QTMAN: variants seen among roughly 807,000 people sequenced by gnomAD.
QTMAN encodes tRNA-queuosine alpha-mannosyltransferase.
chr2:144,321,593 A>C, the QTMAN span, among the ~76,000 whole-genome samples: 1 of 152,060 alleles, frequency 6.6e-6, no homozygotes, highest in Non-Finnish European at 1.5e-5. Context: ...TTCAAAGAAA[A>C]TTGGTTTATT....
chr2:144,262,777 G>T, the QTMAN span, among the ~76,000 whole-genome samples: 4 of 65,088 alleles, frequency 6.1e-5, no homozygotes, highest in African/African-American at 2.6e-4. Context: ...GAGATGGAAT[G>T]GGAGGGGAGA....
the QTMAN span, among the ~76,000 whole-genome samples, chr2:144,131,686 T>C: frequency 6.6e-6 from 1 of 151,930 alleles, no homozygotes; most frequent in Non-Finnish European, 1.5e-5. Flanking sequence ...CTATATTCTG[T>C]CTTCATAATG....
the QTMAN span, among the ~76,000 whole-genome samples, chr2:144,082,610 A>G: frequency 1.3e-5 from 2 of 149,620 alleles, no homozygotes; most frequent in Admixed American, 1.3e-4. Flanking sequence ...AAAAAAAATG[A>G]TGATTATAGG....
At chr2:144,088,302 T>G in the QTMAN span, among the ~76,000 whole-genome samples, 1 of 151,840 alleles carries the variant, frequency 6.6e-6, no homozygotes, top group Admixed American at 6.6e-5. Context: ...TACAAAACAC[T>G]GATAAAAGAG....
At chr2:144,046,011 A>T in the QTMAN span, among the ~76,000 whole-genome samples, 23 of 152,218 alleles carry the variant, frequency 1.5e-4, no homozygotes, top group African/African-American at 5.3e-4. Context: ...AGATTTAACA[A>T]CTTCATACAA....
chr2:144,040,853 G>A, the QTMAN span, among the ~76,000 whole-genome samples: 2 of 152,146 alleles, frequency 1.3e-5, no homozygotes, highest in East Asian at 1.9e-4. Context: ...TGCAGGGCAT[G>A]TCTATTAGAC....
the QTMAN span, among the ~76,000 whole-genome samples, chr2:144,136,460 G>A: frequency 3.0e-5 from 4 of 134,074 alleles, no homozygotes; most frequent in East Asian, 2.1e-4. Context: ...GAGAAAGGAG[G>A]AAGGAGAAAG....
chr2:144,062,272 G>A, the QTMAN span, among the ~76,000 whole-genome samples: 1 of 152,172 alleles, frequency 6.6e-6, no homozygotes, highest in Non-Finnish European at 1.5e-5. Context: ...CCCGTAAGGC[G>A]TTTGAGCACA....
chr2:144,278,784 C>G, the QTMAN span, among the ~76,000 whole-genome samples: 1 of 152,034 alleles, frequency 6.6e-6, no homozygotes, highest in Non-Finnish European at 1.5e-5. Flanking sequence ...AAAGTGTCAC[C>G]TAGACCGTTA....
chr2:143,970,587 T>G, the QTMAN span: 6 of 852,180 alleles, frequency 7.0e-6, no homozygotes, highest in Admixed American at 7.4e-5. Context: ...ACATGGAAAT[T>G]AATACTTACG....
At chr2:144,238,520 G>A in the QTMAN span, among the ~76,000 whole-genome samples, 2 of 152,086 alleles carry the variant, frequency 1.3e-5, no homozygotes, top group African/African-American at 4.8e-5. Flanking sequence ...CTGCAACTAA[G>A]AACCCACTCT....
chr2:144,165,907 C>T, the QTMAN span, among the ~76,000 whole-genome samples: 2 of 152,100 alleles, frequency 1.3e-5, no homozygotes, highest in African/African-American at 4.8e-5. Flanking sequence ...ATAGTGAAGG[C>T]TGGACTGCTG....
At chr2:143,999,461 G>C in the QTMAN span, among the ~76,000 whole-genome samples, 1 of 151,990 alleles carries the variant, frequency 6.6e-6, no homozygotes, top group South Asian at 2.1e-4. Flanking sequence ...TAATTAAAGA[G>C]AAGTTAGGTC....
At chr2:144,188,189 G>A in the QTMAN span, among the ~76,000 whole-genome samples, 1 of 152,308 alleles carries the variant, frequency 6.6e-6, no homozygotes, top group East Asian at 1.9e-4. Context: ...ATCAGTGCAA[G>A]AAGAGATAGC....
chr2:143,993,116 C>T, the QTMAN span, among the ~76,000 whole-genome samples: 1 of 152,122 alleles, frequency 6.6e-6, no homozygotes, highest in African/African-American at 2.4e-5. Context: ...TATTCTATTT[C>T]TCCTTCATAA....
chr2:144,303,032 G>A, the QTMAN span, among the ~76,000 whole-genome samples: 1 of 152,178 alleles, frequency 6.6e-6, no homozygotes, highest in East Asian at 1.9e-4. Flanking sequence ...AACCCGGAAG[G>A]CGGAGGTTGC....
chr2:144,275,150 C>T, the QTMAN span, among the ~76,000 whole-genome samples: 1 of 151,984 alleles, frequency 6.6e-6, no homozygotes, highest in Non-Finnish European at 1.5e-5. Context: ...TTTGGGAGGC[C>T]GAGGCAGGCA....
chr2:144,002,828 C>A, the QTMAN span, among the ~76,000 whole-genome samples: 1 of 151,876 alleles, frequency 6.6e-6, no homozygotes, highest in Non-Finnish European at 1.5e-5. Context: ...AGAATATCTA[C>A]AATAATCTGA....
the QTMAN span, among the ~76,000 whole-genome samples, chr2:144,182,862 A>ATAT: frequency 1.9e-5 from 1 of 53,686 alleles, no homozygotes; most frequent in African/African-American, 9.1e-5. Flanking sequence ...TTTATATATA[A>ATAT]TATATATATA....
Sources: gnomAD v4.1 joint callset for allele counts (sites outside exome capture counted in the v4.1 genomes callset) on GRCh38, gnomAD v4.1.1 for gene constraint, MANE v1.5 for transcripts, NCBI Gene and HGNC (gene_info 2026-07-23, HGNC 2026-07-21) for gene names.